PRCD: variants seen among roughly 807,000 people sequenced by gnomAD.
PRCD encodes photoreceptor disk component PRCD.
In PRCD, 12 loss-of-function variants were observed where a neutral mutation model predicts 10.1. The observed-to-expected ratio is 1.18, with a 90% CI of 0.76 to 1.92. PRCD has a LOEUF of 1.92. PRCD is among the 40% of genes most tolerant of loss of function. The probability of loss-of-function intolerance (pLI) is 0.00; values close to 1 mark genes in which losing one functional copy is unlikely to be tolerated. For missense variants in PRCD, 61 were observed against 72.2 expected, an observed-to-expected ratio of 0.84 and a Z score of 0.56; for synonymous variants, 31 against 26.2, an observed-to-expected ratio of 1.18 and a Z score of -0.56.
chr17:76,540,060 T>C lies in PRCD; in HGVS notation c.-82T>C, dbSNP rs1011242073. The stretch of plus-strand genomic sequence containing the variant: ...CCGCAGGACAGACGGCAGTGGCTCC[T>C]GAGAGCTGGCTGGGGCCATTTTGGC... On this transcript the variant is annotated 5_prime_UTR_variant, in exon 1 of 5. Transcript: ENST00000592014. The surrounding 1 kb of genome is among the most constrained non-coding windows in gnomAD (Gnocchi z 5.0). 1.8e-4 allele frequency: 264 copies of C among 1,448,362 alleles called. No individual in the cohort carries two copies. The highest frequency in any genetic ancestry group is 5.2e-4 in the Middle Eastern group (3 of 5,792). The allele number at this position is 1,448,362 out of a possible 1,614,324, so 89.7% of individuals were successfully genotyped here.
Position 76,540,945 on chromosome 17 carries a change from C to G in PRCD, c.143+372C>G, listed in dbSNP as rs1476791249. Among the ~76,000 whole-genome samples, 2 of 152,196 alleles carry G rather than the reference C, an allele frequency of 1.3e-5. No homozygotes were observed. Among genetic ancestry groups the G allele is most frequent in the Non-Finnish European group, 2.9e-5 (2 of 68,024 alleles). On this transcript the variant is annotated intron_variant, in intron 2 of 4. Transcript: ENST00000592014. This position sits in a 1 kb window ranked among gnomAD's most constrained non-coding sequence, Gnocchi z 5.0. Reference sequence around the variant, plus strand: ...CTTCCCCCTCCTCCTCCTCTGCCCCCGCCCTGCCTCAGCTAGGCTGCCTGA... The same window carrying G: ...CTTCCCCCTCCTCCTCCTCTGCCCCGGCCCTGCCTCAGCTAGGCTGCCTGA...
chr17:76,531,540 G>T lies in PRCD; in HGVS notation n.45+3707G>T, dbSNP rs1286849990. The T allele has an allele frequency of 1.9e-6, 3 of 1,614,148 alleles. No homozygotes were observed. The East Asian group carries it at 6.7e-5, about 36-fold the overall frequency. ...GCGAGCACAGAGGACACCTTGTCGG[G>T]GTCATGCAGGTTCTCCACGACAGTG... On this transcript the variant is annotated intron_variant and non_coding_transcript_variant, in intron 1 of 4. Coordinates refer to the PRCD transcript ENST00000397633. The surrounding 1 kb of genome is among the most constrained non-coding windows in gnomAD (Gnocchi z 7.4).
Position 76,544,465 on chromosome 17 carries a change from G to C in PRCD, c.*815G>C, listed in dbSNP as rs1157590845. ...CTGGGGAGGGCCTGCTGGTACCTCG[G>C]GGAGCCTGGCTGGGGTGTGTGCGAA... On this transcript the variant is annotated 3_prime_UTR_variant, in exon 5 of 5. Coordinates refer to ENST00000592014, the MANE Select transcript of PRCD (RefSeq NM_001077620.3). 1 of 455,474 alleles carries C rather than the reference G, an allele frequency of 2.2e-6. No homozygotes were observed. The highest frequency in any genetic ancestry group is 4.4e-6 in the Non-Finnish European group (1 of 226,968). The allele number at this position is 455,474 out of a possible 1,614,324, so 28.2% of individuals were successfully genotyped here.
At position 76,531,359 on chromosome 17, in the gene PRCD, G is replaced by T; in HGVS notation, n.45+3526G>T. 7.0e-7 allele frequency: 1 copy of T among 1,427,400 alleles called. No homozygotes were observed. The highest frequency in any genetic ancestry group is 1.3e-5 in the South Asian group (1 of 76,066). The allele number at this position is 1,427,400 out of a possible 1,614,324, so 88.4% of individuals were successfully genotyped here. ...CCCTCCCTCTCGCAGCCACTCCGGGGATCACCTCTGTTGCTCCAGAGAGCC... is the reference window on the plus strand; with the variant it reads ...CCCTCCCTCTCGCAGCCACTCCGGGTATCACCTCTGTTGCTCCAGAGAGCC... On this transcript the variant is annotated intron_variant and non_coding_transcript_variant, in intron 1 of 4. Coordinates refer to the PRCD transcript ENST00000397633. This position sits in a 1 kb window ranked among gnomAD's most constrained non-coding sequence, Gnocchi z 7.4.
downstream of PRCD, among the ~76,000 whole-genome samples, chr17:76,549,376 C>A (rs1324385201): frequency 6.6e-6 from 1 of 152,176 alleles, no homozygotes; most frequent in Admixed American, 6.5e-5. Flanking sequence ...GCCTGTAATA[C>A]CAGCACTTTG....
At position 76,540,636 on chromosome 17, in the gene PRCD, C is replaced by G. The variant is rs537536744; in HGVS notation, c.143+63C>G. 5.9e-6 allele frequency: 9 copies of G among 1,520,996 alleles called. No individual in the cohort carries two copies. The South Asian group carries it at 1.0e-4, about 17-fold the overall frequency. The allele number at this position is 1,520,996 out of a possible 1,614,324, so 94.2% of individuals were successfully genotyped here. Reference sequence around the variant, plus strand: ...GCCAAGGAAGCTGTGGCTGTGCATGCCTGGGGGTGCACGTGTGTGCCTGTG... The same window carrying G: ...GCCAAGGAAGCTGTGGCTGTGCATGGCTGGGGGTGCACGTGTGTGCCTGTG... On this transcript the variant is annotated intron_variant, in intron 2 of 4. Coordinates refer to ENST00000592014, the MANE Select transcript of PRCD (RefSeq NM_001077620.3). The surrounding 1 kb of genome is among the most constrained non-coding windows in gnomAD (Gnocchi z 5.0).
intron 1 of PRCD, among the ~76,000 whole-genome samples, chr17:76,534,467 C>T (rs956503694): frequency 4.3e-4 from 65 of 152,188 alleles, no homozygotes; most frequent in African/African-American, 1.5e-3. Context: ...GTGTGAGCCA[C>T]GGTGCCCGGC....
chr17:76,550,819 A>T (rs760723727), intron 1 of PRCD: 10 of 152,238 alleles, frequency 6.6e-5, no homozygotes, highest in Non-Finnish European at 1.2e-4. Flanking sequence ...GAGTGTTCAA[A>T]GTATGTTGAA....
Position 76,531,880 on chromosome 17 carries a change from A to G in PRCD, n.45+4047A>G. On this transcript the variant is annotated intron_variant and non_coding_transcript_variant, in intron 1 of 4. Coordinates refer to the PRCD transcript ENST00000397633. This position sits in a 1 kb window ranked among gnomAD's most constrained non-coding sequence, Gnocchi z 7.4. Reference sequence around the variant, plus strand: ...CCTCTGGCCAAGCCGGCTCACCCCTACCAAGTCTGGCCATGTCTATCTGCC... The same window carrying G: ...CCTCTGGCCAAGCCGGCTCACCCCTGCCAAGTCTGGCCATGTCTATCTGCC... 1.8e-6 allele frequency: 1 copy of G among 551,248 alleles called. No homozygotes were observed. Among genetic ancestry groups the G allele is most frequent in the South Asian group, 2.4e-5 (1 of 42,410 alleles). The allele number at this position is 551,248 out of a possible 1,614,324, so 34.1% of individuals were successfully genotyped here.
chr17:76,531,124 G>A lies in PRCD; in HGVS notation n.45+3291G>A, dbSNP rs144729546. 598 of 1,613,774 alleles carry A rather than the reference G, an allele frequency of 3.7e-4. 3 individuals carry two copies. The African/African-American group carries it at 7.2e-3, about 19-fold the overall frequency. ...GCAAATTCCTCGGCGACCACCTCCAGAATGACCCCAGAGAGGATCTGGGGG... is the reference window on the plus strand; with the variant it reads ...GCAAATTCCTCGGCGACCACCTCCAAAATGACCCCAGAGAGGATCTGGGGG... On this transcript the variant is annotated intron_variant and non_coding_transcript_variant, in intron 1 of 4. Transcript: ENST00000397633. This position sits in a 1 kb window ranked among gnomAD's most constrained non-coding sequence, Gnocchi z 7.4.
At chr17:76,551,298 G>A (rs1045632469) in intron 1 of PRCD, 5 of 152,174 alleles carry the variant, frequency 3.3e-5, no homozygotes, top group African/African-American at 9.7e-5. Context: ...GACATGCCCA[G>A]GAAATAACAG....
In PRCD at chr17:76,533,947, G is replaced by A. The variant is rs1188681812; in HGVS notation, n.45+6114G>A. 6.6e-6 allele frequency among the ~76,000 whole-genome samples: 1 copy of A among 151,764 alleles called. No individual in the cohort carries two copies. Among genetic ancestry groups the A allele is most frequent in the Non-Finnish European group, 1.5e-5 (1 of 67,970 alleles). On this transcript the variant is annotated intron_variant and non_coding_transcript_variant, in intron 1 of 4. Transcript: ENST00000397633. This position sits in a 1 kb window ranked among gnomAD's most constrained non-coding sequence, Gnocchi z 4.5. Reference sequence around the variant, plus strand: ...TTGGGAGGCTGCAGCAGGAAGATCCGATCGCATCACGAGCCCAGGATTGGA... The same window carrying A: ...TTGGGAGGCTGCAGCAGGAAGATCCAATCGCATCACGAGCCCAGGATTGGA...
chr17:76,536,185 G>A (rs886924291), upstream of PRCD, among the ~76,000 whole-genome samples: 5 of 152,144 alleles, frequency 3.3e-5, no homozygotes, highest in African/African-American at 1.2e-4. Context: ...CCTCAGGAGC[G>A]CTCCTCTAAC....
Position 76,528,464 on chromosome 17 carries a change from A to T in PRCD, n.45+631A>T. On this transcript the variant is annotated intron_variant and non_coding_transcript_variant, in intron 1 of 4. Transcript: ENST00000397633. This position sits in a 1 kb window ranked among gnomAD's most constrained non-coding sequence, Gnocchi z 5.8. Reference sequence around the variant, plus strand: ...ACAGAGGCCTCCTTCGGGGAAGTTGAGTCAGGGATTCCTCCAGCTTCCTTG... The same window carrying T: ...ACAGAGGCCTCCTTCGGGGAAGTTGTGTCAGGGATTCCTCCAGCTTCCTTG... 1 of 1,002,820 alleles carries T rather than the reference A, an allele frequency of 1.0e-6. No individual in the cohort carries two copies. Among genetic ancestry groups the T allele is most frequent in the Non-Finnish European group, 1.3e-6 (1 of 758,676 alleles). The allele number at this position is 1,002,820 out of a possible 1,614,324, so 62.1% of individuals were successfully genotyped here.
At chr17:76,529,068 G>A (rs1392808236) in intron 1 of PRCD, 29 of 743,990 alleles carry the variant, frequency 3.9e-5, no homozygotes, top group South Asian at 2.6e-4. Context: ...CCCCACCCAC[G>A]CAAAGGCGCA....
At chr17:76,529,047 C>T (rs942701616) in intron 1 of PRCD, 43 of 327,464 alleles carry the variant, frequency 1.3e-4, no homozygotes, top group African/African-American at 2.5e-4. Flanking sequence ...TCATTGCGCC[C>T]CCCCCCCACC....
upstream of PRCD, chr17:76,538,636 T>C: frequency 2.8e-6 from 1 of 359,820 alleles, no homozygotes. Flanking sequence ...GCTGGGGACA[T>C]CTCAGCCGCC....
chr17:76,540,250 T>TGGGGGGGGGGGGGGGGGGTGGGG lies in PRCD; in HGVS notation c.74+35_74+36insGGGGGGGGGGGGGGGGGGTGGGG. ...TGACCGGGCTATGGCTGGCGGTTGGTCGGGGGGGGGGGGCATGGGGCTGGG... is the reference window on the plus strand; with the variant it reads ...TGACCGGGCTATGGCTGGCGGTTGGTGGGGGGGGGGGGGGGGGGTGGGGCGGGGGGGGGGGGCATGGGGCTGGG... On this transcript the variant is annotated intron_variant, in intron 1 of 4. Coordinates refer to ENST00000592014, the MANE Select transcript of PRCD (RefSeq NM_001077620.3). This position sits in a 1 kb window ranked among gnomAD's most constrained non-coding sequence, Gnocchi z 5.0. 2.2e-6 allele frequency: 1 copy of TGGGGGGGGGGGGGGGGGGTGGGG among 463,682 alleles called. No homozygotes were observed. Among genetic ancestry groups the TGGGGGGGGGGGGGGGGGGTGGGG allele is most frequent in the Admixed American group, 3.7e-5 (1 of 26,830 alleles). The allele number at this position is 463,682 out of a possible 1,614,324, so 28.7% of individuals were successfully genotyped here.
chr17:76,527,842 G>T (rs1175640807), intron 1 of PRCD: 1 of 453,350 alleles, frequency 2.2e-6, no homozygotes, highest in South Asian at 1.6e-5. Flanking sequence ...CGGTGAGTCA[G>T]TTCCTCTGAG....
Sources: gnomAD v4.1 joint callset for allele counts (sites outside exome capture counted in the v4.1 genomes callset) on GRCh38, gnomAD v4.1.1 for gene constraint, Gnocchi (gnomAD v3.1) non-coding constraint, MANE v1.5 for transcripts, NCBI Gene and HGNC (gene_info 2026-07-23, HGNC 2026-07-21) for gene names.